The following PKD1L3 variants were observed in gnomAD, a reference collection of about 807,000 sequenced individuals.
The protein encoded by PKD1L3 is polycystin-1-like protein 3.
In PKD1L3, 239 loss-of-function variants were observed where a neutral mutation model predicts 184.1. The ratio of observed to expected loss-of-function variants is 1.30; its 90% confidence interval spans 1.17 to 1.45. PKD1L3 has a LOEUF of 1.45. Among genes scored for constraint, PKD1L3 ranks in the 40% most tolerant of loss-of-function variants. The pLI, the probability that PKD1L3 is intolerant of heterozygous loss-of-function variation, is 0.00. For synonymous variants in PKD1L3, 996 were observed against 778.8 expected (o/e 1.28, Z -4.64); for missense variants, 2,660 against 2,067.2 (o/e 1.29, Z -5.56).
At position 71,942,609 on chromosome 16, in the gene PKD1L3, G is replaced by A. The variant is rs780037590; in HGVS notation, c.4275C>T (p.His1425=). ...PMVLIPTDEL[H]ERLTSKNENG... is the part of the protein sequence containing the mutation. ...TCTCATTCTTGCTTGTCAGCCTTTC[G>A]TGAAGCTCATCAGTGGGAATCAGCA... is the stretch of plus-strand genomic sequence containing the variant. The change falls in exon 24 of 30, where the codon CAC becomes CAT. Residue 1425 remains histidine (H), a synonymous_variant. Coordinates refer to ENST00000620267, the MANE Select transcript of PKD1L3 (RefSeq NM_181536.2). The A allele has an allele frequency of 1.1e-5, 17 of 1,551,468 alleles. No individual in the cohort carries two copies. The highest frequency in any genetic ancestry group is 1.7e-4 in the Middle Eastern group (1 of 6,014).
intron 28 of PKD1L3, chr16:71,930,391 T>C (rs1227187326): frequency 2.0e-5 from 8 of 409,516 alleles, no homozygotes; most frequent in Non-Finnish European, 3.0e-5. Context: ...TTAAGATAAT[T>C]GTGACTGCAG....
intron 12 of PKD1L3, among the ~76,000 whole-genome samples, chr16:71,972,081 T>A (rs1029401972): frequency 6.6e-6 from 1 of 151,836 alleles, no homozygotes; most frequent in Non-Finnish European, 1.5e-5. Context: ...CCGGGCGCAG[T>A]GGTGGGTGCC....
At chr16:71,929,922 C>CT (rs2037868699) in intron 29 of PKD1L3, 130 bp downstream of exon 29, 1 of 1,198,444 alleles carries the variant, frequency 8.3e-7, no homozygotes, top group African/African-American at 1.6e-5. Flanking sequence ...GCTGGCAGAG[C>CT]TTTTGAAACT....
chr16:71,938,346 A>G (rs2038250222), intron 24 of PKD1L3, among the ~76,000 whole-genome samples: 1 of 152,154 alleles, frequency 6.6e-6, no homozygotes, highest in Non-Finnish European at 1.5e-5. Context: ...AGGGAGGGTA[A>G]GGGGGGGCTG....
intron 27 of PKD1L3, 24 bp downstream of exon 27, chr16:71,933,889 GGA>G: frequency 3.9e-6 from 6 of 1,546,312 alleles, no homozygotes; most frequent in Non-Finnish European, 4.4e-6. Context: ...ACACGGAGAA[GGA>G]GAGACAGCAA....
Position 71,942,676 on chromosome 16 carries a change from T to C in PKD1L3, c.4208A>G (p.His1403Arg). The change falls in exon 24 of 30, where the codon CAT becomes CGT. Residue 1403 changes from histidine (H) to arginine (R), a missense_variant. Coordinates refer to ENST00000620267, the MANE Select transcript of PKD1L3 (RefSeq NM_181536.2). ...ACAGATGTAACTGAACCTCCTTAGA[T>C]GAAGTCCAGGGAATAGGCTCTTGGG... ...GRPKSLFPGL[H>R]LRRFSYICSP... The C allele has an allele frequency of 4.5e-6, 7 of 1,551,724 alleles. No individual in the cohort carries two copies. The highest frequency in any genetic ancestry group is 3.3e-4 in the Middle Eastern group (2 of 5,990).
Position 71,942,957 on chromosome 16 carries a change from G to A in PKD1L3, c.3927C>T (p.Tyr1309=), listed in dbSNP as rs770608696. 2 of 1,551,598 alleles carry A rather than the reference G, an allele frequency of 1.3e-6. No homozygotes were observed. Among genetic ancestry groups the A allele is most frequent in the South Asian group, 1.2e-5 (1 of 84,058 alleles). ...IYSAKNSNRF[Y]LHQAIWKTFS... is the part of the protein sequence containing the mutation. ...ATGTCTTCCAGATAGCTTGGTGGAG[G>A]TAAAATCTATTGGAGTTCTTTGCAG... Residue 1309 remains tyrosine (Y), a synonymous_variant, in exon 24 of 30, where the codon TAC becomes TAT. Transcript: ENST00000620267.
chr16:71,982,278 CTTTTTTTTTTT>C (rs35324670), intron 6 of PKD1L3, 43 bp from the exon 7 acceptor site: 1 of 431,902 alleles, frequency 2.3e-6, no homozygotes, highest in Non-Finnish European at 3.1e-6. Flanking sequence ...GAATTGTTTG[CTTTTTTTTTTT>C]TTTTTTTTTT....
rs1006188570 is a variant in PKD1L3 at position 71,981,968 on chromosome 16, T to G, written c.1143+91A>C. 5 of 1,292,362 alleles carry G rather than the reference T, an allele frequency of 3.9e-6. No individual in the cohort carries two copies. The African/African-American group carries it at 7.6e-5, about 20-fold the overall frequency. The allele number at this position is 1,292,362 out of a possible 1,614,324, so 80.1% of individuals were successfully genotyped here. On this transcript the variant is annotated intron_variant, in intron 7 of 29. Coordinates refer to ENST00000620267, the MANE Select transcript of PKD1L3 (RefSeq NM_181536.2). ...AGCAGAAACTTCAGCAAGATTATCT[T>G]TAAAGGTCTGGGGAGAGGCTGTGAT...
At chr16:71,941,892 A>T (rs1184139672) in intron 24 of PKD1L3, among the ~76,000 whole-genome samples, 1 of 151,552 alleles carries the variant, frequency 6.6e-6, no homozygotes, top group African/African-American at 2.4e-5. Context: ...CCTCTATGAC[A>T]TTCTTTCATA....
In PKD1L3 at chr16:71,984,126, A is replaced by G. The variant is rs1207907370; in HGVS notation, c.876T>C (p.His292=). 3.2e-6 allele frequency: 5 copies of G among 1,551,898 alleles called. No individual in the cohort carries two copies. In the East Asian group the frequency reaches 9.8e-5, roughly 30 times the overall value. The part of the protein sequence containing the change: ...EIAGNFSRAV[H]GLQALNKLQE... ...GTAGTTTGTTAAGAGCTTGCAAACC[A>G]TGAACTGCTCTGCTGAAGTTCCCTG... Residue 292 remains histidine (H), a synonymous_variant, in exon 6 of 30, where the codon CAT becomes CAC. Coordinates refer to ENST00000620267, the MANE Select transcript of PKD1L3 (RefSeq NM_181536.2).
At chr16:71,992,902 C>T (rs2040645158) in intron 3 of PKD1L3, among the ~76,000 whole-genome samples, 1 of 152,154 alleles carries the variant, frequency 6.6e-6, no homozygotes, top group Non-Finnish European at 1.5e-5. Flanking sequence ...ATTAAATAAA[C>T]AAGTGATAAC....
At chr16:71,990,377 G>T in intron 3 of PKD1L3, 48 bp from the exon 4 acceptor site, 1 of 1,442,548 alleles carries the variant, frequency 6.9e-7, no homozygotes, top group African/African-American at 1.4e-5. Context: ...GCCTAAGACA[G>T]AAATATTCGT....
chr16:71,984,864 A>G (rs779026308), intron 5 of PKD1L3, among the ~76,000 whole-genome samples: 1 of 152,302 alleles, frequency 6.6e-6, no homozygotes, highest in East Asian at 1.9e-4. Flanking sequence ...GTCTCAAAAA[A>G]AGAGTCCATA....
Position 71,937,297 on chromosome 16 carries a change from T to C in PKD1L3, c.4447A>G (p.Ile1483Val). 1 of 1,551,168 alleles carries C rather than the reference T, an allele frequency of 6.4e-7. No individual in the cohort carries two copies. The highest frequency in any genetic ancestry group is 8.7e-7 in the Non-Finnish European group (1 of 1,146,816). The change falls in exon 25 of 30, where the codon ATA becomes GTA. Residue 1483 changes from isoleucine (I) to valine (V), a missense_variant. Coordinates refer to ENST00000620267, the MANE Select transcript of PKD1L3 (RefSeq NM_181536.2). ...YYLLVCYYAF[I>V]QGCQLKQQKW... Reference sequence around the variant, plus strand: ...ATCTAACATTATTGACTCACCTGTATGAAGGCATAGTAACAGACCAGTAGA... The same window carrying C: ...ATCTAACATTATTGACTCACCTGTACGAAGGCATAGTAACAGACCAGTAGA...
chr16:71,937,530 G>A (rs2038222487), intron 24 of PKD1L3, 111 bp from the exon 25 acceptor site: 2 of 1,181,080 alleles, frequency 1.7e-6, no homozygotes, highest in Admixed American at 2.6e-5. Flanking sequence ...AAATGTTTCT[G>A]AGTCTCAGTG....
At chr16:71,977,206 G>T in intron 11 of PKD1L3, 30 bp downstream of exon 11, 1 of 1,450,216 alleles carries the variant, frequency 6.9e-7, no homozygotes, top group Non-Finnish European at 9.5e-7. Context: ...AGAAATCAAA[G>T]TAAGTTTCTG....
intron 16 of PKD1L3, among the ~76,000 whole-genome samples, chr16:71,961,422 C>T (rs1025562869): frequency 6.6e-6 from 1 of 152,154 alleles, no homozygotes; most frequent in African/African-American, 2.4e-5. Flanking sequence ...CGTACCTTGG[C>T]CCTTCTCCTT....
chr16:71,950,375 AGATTAACAATTCATT>A, intron 19 of PKD1L3, 65 bp from the exon 20 acceptor site: 4 of 1,357,116 alleles, frequency 2.9e-6, no homozygotes, highest in Non-Finnish European at 4.0e-6. Context: ...TTAGTGGTAG[AGATTAACAATTCATT>A]GATGGATGAT....
Sources: gnomAD v4.1 joint callset for allele counts (sites outside exome capture counted in the v4.1 genomes callset) on GRCh38, gnomAD v4.1.1 for gene constraint, MANE v1.5 for transcripts, NCBI Gene and HGNC (gene_info 2026-07-23, HGNC 2026-07-21) for gene names.